Variants in RERG observed in about 807,000 individuals in gnomAD.
RERG encodes the protein RAS like estrogen regulated growth inhibitor.
In RERG, 25 loss-of-function variants were observed where a neutral mutation model predicts 23.2. The ratio of observed to expected loss-of-function variants is 1.08; its 90% CI spans 0.79 to 1.50. The LOEUF is 1.50. Among genes scored for constraint, RERG ranks in the 40% most tolerant of loss-of-function variants. RERG has a pLI of 0.00. For synonymous variants in RERG, 81 were observed against 89.1 expected, an observed-to-expected ratio of 0.91 and a Z score of 0.51; for missense variants, 253 against 250.1, an observed-to-expected ratio of 1.01 and a Z score of -0.08.
chr12:15,123,784 A>T (rs1481285415), intron 2 of RERG, among the ~76,000 whole-genome samples: 1 of 151,998 alleles, frequency 6.6e-6, no homozygotes, highest in East Asian at 1.9e-4. Context: ...TTGTCTTTTG[A>T]AGTAAAATGG....
At chr12:15,137,361 T>A (rs1165849082) in intron 2 of RERG, among the ~76,000 whole-genome samples, 1 of 151,844 alleles carries the variant, frequency 6.6e-6, no homozygotes, top group Non-Finnish European at 1.5e-5. Context: ...TTTAGATCAT[T>A]GATATTTAAA....
Position 15,169,920 on chromosome 12 carries a change from ATGTGTGTGTGTGTGTGTG to A in RERG, c.61+47491_61+47508del, listed in dbSNP as rs61079713. Among the ~76,000 whole-genome samples the A allele has an allele frequency of 8.9e-3, 1,229 of 137,696 alleles. 27 individuals are homozygous for A. Among genetic ancestry groups the A allele is most frequent in the African/African-American group, 0.031 (1,136 of 37,108 alleles). 90.3% of individuals were successfully genotyped at this position (137,696 alleles called of 152,430 possible). On this transcript the variant is annotated intron_variant, in intron 2 of 4. Transcript: ENST00000256953. ...GAAGGACACACGTCATCTGCTAAAA[ATGTGTGTGTGTGTGTGTG>A]TGTGTGTGTGTGTGTGTGTGTGTGT...
chr12:15,122,429 T>A (rs1054486071), intron 2 of RERG, among the ~76,000 whole-genome samples: 5 of 152,248 alleles, frequency 3.3e-5, no homozygotes, highest in East Asian at 1.9e-4. Context: ...GTAAATTGCA[T>A]GAGGACTTCG....
At position 15,190,293 on chromosome 12, in the gene RERG, T is replaced by C. The variant is rs987452534; in HGVS notation, c.61+27136A>G. 4.6e-5 allele frequency among the ~76,000 whole-genome samples: 7 copies of C among 152,278 alleles called. No individual in the cohort carries two copies. The South Asian group carries it at 8.3e-4, about 18-fold the overall frequency. On this transcript the variant is annotated intron_variant, in intron 2 of 4. Coordinates refer to ENST00000256953, the MANE Select transcript of RERG (RefSeq NM_032918.3). ...GGGCCACACACAGAATACACTAACA[T>C]TAATGATAGCTGATAAACTTTAAAA... is the stretch of plus-strand genomic sequence containing the variant.
chr12:15,144,753 A>G (rs149244549), intron 2 of RERG, among the ~76,000 whole-genome samples: 1 of 152,326 alleles, frequency 6.6e-6, no homozygotes, highest in African/African-American at 2.4e-5. Context: ...CATACAATTC[A>G]TGGAGACAGG....
intron 2 of RERG, among the ~76,000 whole-genome samples, chr12:15,156,018 A>G (rs1020164583): frequency 1.3e-5 from 2 of 150,060 alleles, no homozygotes; most frequent in Non-Finnish European, 3.0e-5. Context: ...ATATATATTT[A>G]TAAATATTGA....
chr12:15,212,726 C>A (rs1175080339), intron 2 of RERG, among the ~76,000 whole-genome samples: 1 of 152,042 alleles, frequency 6.6e-6, no homozygotes, highest in Non-Finnish European at 1.5e-5. Flanking sequence ...CAAGATGCGA[C>A]TGAGGTTTCT....
intron 2 of RERG, among the ~76,000 whole-genome samples, chr12:15,160,774 T>C (rs959211874): frequency 6.6e-6 from 1 of 152,102 alleles, no homozygotes; most frequent in African/African-American, 2.4e-5. Context: ...GATGTAAGAA[T>C]TGAATTGGAA....
chr12:15,119,599 A>G (rs1863795715), intron 3 of RERG, among the ~76,000 whole-genome samples: 1 of 152,168 alleles, frequency 6.6e-6, no homozygotes, highest in Non-Finnish European at 1.5e-5. Flanking sequence ...TTTTTAAAAA[A>G]TCGGGTGCAT....
intron 2 of RERG, among the ~76,000 whole-genome samples, chr12:15,183,138 T>G (rs1864947347): frequency 1.3e-5 from 2 of 152,074 alleles, no homozygotes; most frequent in Non-Finnish European, 2.9e-5. Flanking sequence ...ATGCAAATAT[T>G]ATAAAAAGTT....
At chr12:15,212,291 C>T (rs907183445) in intron 2 of RERG, among the ~76,000 whole-genome samples, 2 of 150,572 alleles carry the variant, frequency 1.3e-5, no homozygotes, top group South Asian at 4.2e-4. Flanking sequence ...GATCTCCTGA[C>T]CTCATGATCC....
intron 2 of RERG, among the ~76,000 whole-genome samples, chr12:15,195,551 C>CTGTGTGTGTGTG (rs71042238): frequency 4.6e-4 from 59 of 128,310 alleles, no homozygotes; most frequent in African/African-American, 1.6e-3. Flanking sequence ...GCAAGCTTGG[C>CTGTGTGTGTGTG]TGTGTGTGTG....
chr12:15,189,784 G>A (rs772228660), intron 2 of RERG, among the ~76,000 whole-genome samples: 40 of 152,162 alleles, frequency 2.6e-4, no homozygotes, highest in African/African-American at 6.7e-4. Context: ...CCAAACATGA[G>A]GACTAAGAAA....
chr12:15,136,263 T>C (rs943091437), intron 2 of RERG, among the ~76,000 whole-genome samples: 3 of 152,098 alleles, frequency 2.0e-5, no homozygotes, highest in African/African-American at 7.2e-5. Context: ...CTCTGTCATT[T>C]CTGCTGTTAG....
intron 2 of RERG, among the ~76,000 whole-genome samples, chr12:15,169,919 A>AGTGT (rs1565527089): frequency 2.3e-4 from 24 of 106,092 alleles, no homozygotes; most frequent in Admixed American, 1.2e-3. Context: ...ATCTGCTAAA[A>AGTGT]ATGTGTGTGT....
At chr12:15,159,673 A>C (rs1328937117) in intron 2 of RERG, among the ~76,000 whole-genome samples, 1 of 151,926 alleles carries the variant, frequency 6.6e-6, no homozygotes, top group Non-Finnish European at 1.5e-5. Flanking sequence ...AATACCAAAA[A>C]CTTAGCTGGG....
At chr12:15,161,139 AAAGAAAGAAAG>A (rs1294910363) in intron 2 of RERG, among the ~76,000 whole-genome samples, 32 of 32,976 alleles carry the variant, frequency 9.7e-4, no homozygotes, top group African/African-American at 4.5e-3. Flanking sequence ...CATCTCAGAA[AAAGAAAGAAAG>A]AAAGAAAGAA....
intron 2 of RERG, among the ~76,000 whole-genome samples, chr12:15,182,901 C>G (rs1448858516): frequency 2.6e-5 from 4 of 151,962 alleles, no homozygotes; most frequent in Non-Finnish European, 2.9e-5. Context: ...ATAGGGAGAC[C>G]TTGTTTCTAC....
At chr12:15,116,770 T>C in intron 3 of RERG, among the ~76,000 whole-genome samples, 1 of 152,184 alleles carries the variant, frequency 6.6e-6, no homozygotes. Context: ...CTAAGTAGTT[T>C]TTGAAATTAG....
Sources: allele counts gnomAD v4.1 joint callset (sites outside exome capture counted in the v4.1 genomes callset), GRCh38; gene constraint gnomAD v4.1.1; transcripts MANE v1.5; gene names NCBI Gene and HGNC (gene_info 2026-07-23, HGNC 2026-07-21).